ARL15: variants seen among roughly 807,000 people sequenced by gnomAD.
ARL15 encodes ADP-ribosylation factor-like protein 15.
In ARL15, 19 loss-of-function variants were observed where a neutral mutation model predicts 25.2. The observed-to-expected ratio is 0.75, with a 90% CI of 0.53 to 1.10. ARL15 has a LOEUF of 1.10. Ranked by LOEUF, ARL15 falls within the 50% of genes least tolerant of loss-of-function variation. The pLI is 0.00. For synonymous variants in ARL15, 94 were observed against 86.8 expected (o/e 1.08, Z -0.46); for missense variants, 220 against 246.0 (o/e 0.89, Z 0.71).
chr5:54,243,609 AG>A (rs1167808949), intron 1 of ARL15, among the ~76,000 whole-genome samples: 1 of 152,242 alleles, frequency 6.6e-6, no homozygotes, highest in East Asian at 1.9e-4. Context: ...AGACAAAAGC[AG>A]GGACCAAGGA....
intron 4 of ARL15, among the ~76,000 whole-genome samples, chr5:53,984,438 A>C (rs1484123238): frequency 6.6e-6 from 1 of 151,850 alleles, no homozygotes; most frequent in African/African-American, 2.4e-5. Context: ...TGTTTTTGAC[A>C]TTATGTTCTG....
At chr5:54,005,546 G>A (rs1189986276) in intron 4 of ARL15, among the ~76,000 whole-genome samples, 2 of 151,786 alleles carry the variant, frequency 1.3e-5, no homozygotes, top group Non-Finnish European at 2.9e-5. Flanking sequence ...CCTGGCCAAC[G>A]TGGTGAAACT....
chr5:53,957,491 A>G (rs1452001296), intron 4 of ARL15, among the ~76,000 whole-genome samples: 1 of 152,034 alleles, frequency 6.6e-6, no homozygotes, highest in African/African-American at 2.4e-5. Flanking sequence ...ACAAAAGGAC[A>G]CTAGATAGTA....
chr5:54,232,618 A>G (rs1345508424), intron 1 of ARL15, among the ~76,000 whole-genome samples: 1 of 152,186 alleles, frequency 6.6e-6, no homozygotes, highest in African/African-American at 2.4e-5. Context: ...CAGAGTGGGA[A>G]GGGCAGGGGT....
intron 2 of ARL15, among the ~76,000 whole-genome samples, chr5:54,157,021 T>G (rs1754254720): frequency 6.6e-6 from 1 of 152,176 alleles, no homozygotes; most frequent in South Asian, 2.1e-4. Context: ...TAAAAAGCAA[T>G]GATGGTGAAA....
intron 2 of ARL15, among the ~76,000 whole-genome samples, chr5:54,170,046 AC>A (rs1665543001): frequency 6.6e-6 from 1 of 152,146 alleles, no homozygotes; most frequent in Non-Finnish European, 1.5e-5. Flanking sequence ...GCTGACGTGA[AC>A]TGAAGTAAGG....
intron 1 of ARL15, among the ~76,000 whole-genome samples, 166 bp from the exon 2 acceptor site, chr5:54,172,094 T>C (rs1227395682): frequency 6.6e-6 from 1 of 152,236 alleles, no homozygotes; most frequent in Non-Finnish European, 1.5e-5. Flanking sequence ...GACACCACTC[T>C]AGCCAAGTGA....
chr5:54,153,706 G>GT (rs1210644669), intron 3 of ARL15, among the ~76,000 whole-genome samples: 1 of 152,126 alleles, frequency 6.6e-6, no homozygotes, highest in Non-Finnish European at 1.5e-5. Flanking sequence ...AGATCAGCCA[G>GT]TTTTTTATTA....
At chr5:54,170,520 C>T (rs1275217886) in intron 2 of ARL15, among the ~76,000 whole-genome samples, 1 of 152,174 alleles carries the variant, frequency 6.6e-6, no homozygotes, top group Non-Finnish European at 1.5e-5. Context: ...TCTCCTGGCA[C>T]TCTATTAAAC....
intron 4 of ARL15, among the ~76,000 whole-genome samples, chr5:54,112,498 G>C (rs530865675): frequency 6.6e-6 from 1 of 152,230 alleles, no homozygotes; most frequent in African/African-American, 2.4e-5. Context: ...AATACATCAG[G>C]AGTTTTGATT....
chr5:54,124,750 G>A (rs1046612022), intron 3 of ARL15, among the ~76,000 whole-genome samples: 2 of 152,130 alleles, frequency 1.3e-5, no homozygotes, highest in Non-Finnish European at 2.9e-5. Context: ...TGGCATCATA[G>A]GTGCTCAATG....
intron 4 of ARL15, among the ~76,000 whole-genome samples, chr5:54,096,659 C>T (rs959038603): frequency 1.3e-5 from 2 of 152,202 alleles, no homozygotes; most frequent in African/African-American, 4.8e-5. Flanking sequence ...GATTCATCCA[C>T]CTTGGCCTCC....
At chr5:53,955,769 T>A (rs1160232718) in intron 4 of ARL15, among the ~76,000 whole-genome samples, 2 of 152,190 alleles carry the variant, frequency 1.3e-5, no homozygotes, top group Non-Finnish European at 1.5e-5. Context: ...GGATTTCCAG[T>A]GTGGGACCCT....
intron 1 of ARL15, among the ~76,000 whole-genome samples, chr5:54,273,039 G>A (rs1444627052): frequency 6.6e-6 from 1 of 152,102 alleles, no homozygotes; most frequent in Non-Finnish European, 1.5e-5. Flanking sequence ...ATCCAAATGA[G>A]AGGAAAATTC....
chr5:54,239,178 G>A (rs950260359), intron 1 of ARL15, among the ~76,000 whole-genome samples: 18 of 151,654 alleles, frequency 1.2e-4, no homozygotes, highest in Admixed American at 3.3e-4. Flanking sequence ...TTAATAGATA[G>A]GAAATTGACT....
chr5:53,917,711 C>T (rs1022372090), intron 4 of ARL15, among the ~76,000 whole-genome samples: 2 of 152,158 alleles, frequency 1.3e-5, no homozygotes, highest in African/African-American at 4.8e-5. Context: ...TTAAGATTAA[C>T]CTTTTCTGAT....
At chr5:54,004,228 C>T (rs576670520) in intron 4 of ARL15, among the ~76,000 whole-genome samples, 1 of 152,298 alleles carries the variant, frequency 6.6e-6, no homozygotes, top group African/African-American at 2.4e-5. Context: ...GGTGTGGTGG[C>T]TCACGCCTGT....
intron 3 of ARL15, among the ~76,000 whole-genome samples, chr5:54,125,084 TG>T (rs67422656): frequency 1.8e-4 from 27 of 149,774 alleles, no homozygotes; most frequent in African/African-American, 5.4e-4. Flanking sequence ...TGTTTTGTTT[TG>T]TTTTTTTTTT....
chr5:53,980,497 AAC>A (rs1344434789), intron 4 of ARL15, among the ~76,000 whole-genome samples: 2 of 152,204 alleles, frequency 1.3e-5, no homozygotes, highest in African/African-American at 4.8e-5. Flanking sequence ...CCAGAATACA[AAC>A]ACAGTTTTTT....
Sources: allele counts gnomAD v4.1 joint callset (sites outside exome capture counted in the v4.1 genomes callset), GRCh38; gene constraint gnomAD v4.1.1; transcripts MANE v1.5; gene names NCBI Gene and HGNC (gene_info 2026-07-23, HGNC 2026-07-21).